Variants in LMX1B observed in about 807,000 individuals in gnomAD.
LMX1B encodes LIM homeobox transcription factor 1 beta.
Under a neutral mutation model 51.4 loss-of-function variants are expected in LMX1B, and 12 were observed. That is an observed-to-expected ratio of 0.23 (90% CI 0.15 to 0.38). LMX1B has a LOEUF of 0.38. Ranked by LOEUF, LMX1B falls within the 10% of genes least tolerant of loss-of-function variation. The pLI is 1.00. For missense variants in LMX1B, 445 were observed against 571.1 expected (o/e 0.78, Z 2.25); for synonymous variants, 237 against 235.4 (o/e 1.01, Z -0.06).
rs947351371 is a variant in LMX1B, at chr9:126,623,707, G to A, written c.326+8138G>A. Among the ~76,000 whole-genome samples the A allele has an allele frequency of 2.6e-5, 4 of 152,168 alleles. No individual in the cohort carries two copies. In the South Asian group the frequency reaches 6.2e-4, roughly 24 times the overall value. On this transcript the variant is annotated intron_variant, in intron 2 of 7. Transcript: ENST00000373474. Reference sequence around the variant, plus strand: ...CAGAACGCCCAGCCTGGGAGGGGTGGGGAGGGGGAGTCGCTACCCGAGGGC... The same window carrying A: ...CAGAACGCCCAGCCTGGGAGGGGTGAGGAGGGGGAGTCGCTACCCGAGGGC...
intron 1 of LMX1B, among the ~76,000 whole-genome samples, chr9:126,614,904 G>A (rs1469489476): frequency 6.6e-6 from 1 of 152,094 alleles, no homozygotes; most frequent in Non-Finnish European, 1.5e-5. Context: ...GGCGAGCTTG[G>A]GAGAGGCGCA....
rs1457602915 is a variant in LMX1B at position 126,673,967 on chromosome 9, G to A, written c.327-16869G>A. ...GCCTTGTCTGTCCGTCTGTTTGGGA[G>A]ATGCTGGCTGATAGATGGGGATGGG... On this transcript the variant is annotated intron_variant, in intron 2 of 7. Transcript: ENST00000373474. The surrounding 1 kb of genome is among the most constrained non-coding windows in gnomAD (Gnocchi z 4.4). Among the ~76,000 whole-genome samples, 1 of 152,204 alleles carries A rather than the reference G, an allele frequency of 6.6e-6. No individual in the cohort carries two copies. Among genetic ancestry groups the A allele is most frequent in the South Asian group, 2.1e-4 (1 of 4,832 alleles).
At chr9:126,621,637 T>G (rs1835411532) in intron 2 of LMX1B, among the ~76,000 whole-genome samples, 1 of 126,202 alleles carries the variant, frequency 7.9e-6, no homozygotes, top group Admixed American at 8.8e-5. Context: ...CTATAGGGTT[T>G]TTCTCTCTCT....
In LMX1B at chr9:126,658,374, C is replaced by A. The variant is rs925258234; in HGVS notation, c.327-32462C>A. Reference sequence around the variant, plus strand: ...GCAAGCCAGCCTCAAATTCGGCTGGCCCTCCCCCTGGCTGCCGGGCCCGGG... The same window carrying A: ...GCAAGCCAGCCTCAAATTCGGCTGGACCTCCCCCTGGCTGCCGGGCCCGGG... On this transcript the variant is annotated intron_variant, in intron 2 of 7. Transcript: ENST00000373474. The surrounding 1 kb of genome is among the most constrained non-coding windows in gnomAD (Gnocchi z 4.0). Among the ~76,000 whole-genome samples the A allele has an allele frequency of 1.3e-5, 2 of 150,796 alleles. No individual in the cohort carries two copies. Among genetic ancestry groups the A allele is most frequent in the African/African-American group, 4.9e-5 (2 of 40,784 alleles).
At chr9:126,669,242 G>A (rs1836403209) in intron 2 of LMX1B, among the ~76,000 whole-genome samples, 2 of 44,528 alleles carry the variant, frequency 4.5e-5, no homozygotes, top group Admixed American at 2.1e-4. Flanking sequence ...GCCTGGCCGC[G>A]AGGAGGGTGG....
At chr9:126,630,439 G>C (rs906155680) in intron 2 of LMX1B, among the ~76,000 whole-genome samples, 2 of 152,202 alleles carry the variant, frequency 1.3e-5, no homozygotes, top group Non-Finnish European at 1.5e-5. Flanking sequence ...TCATCACTGG[G>C]GGGGAGGGTT....
chr9:126,680,099 C>T (rs770942495), intron 2 of LMX1B, among the ~76,000 whole-genome samples: 1 of 152,242 alleles, frequency 6.6e-6, no homozygotes, highest in Non-Finnish European at 1.5e-5. Flanking sequence ...TCACCTTCCA[C>T]GTGCGTTGTC....
intron 2 of LMX1B, among the ~76,000 whole-genome samples, chr9:126,621,853 C>T (rs1487953192): frequency 2.0e-5 from 3 of 151,972 alleles, no homozygotes; most frequent in Non-Finnish European, 4.4e-5. Context: ...ACTACTGCTG[C>T]GGTGAGGAGT....
chr9:126,691,737 C>G (rs1037672128), intron 3 of LMX1B, among the ~76,000 whole-genome samples: 1 of 152,256 alleles, frequency 6.6e-6, no homozygotes, highest in Non-Finnish European at 1.5e-5. Context: ...TGTGCCTTCC[C>G]CTTCTCAGCC....
In LMX1B at chr9:126,693,331, G is replaced by A. The variant is rs2030206496; in HGVS notation, c.741+8G>A. On this transcript the variant is annotated splice_region_variant and intron_variant, in intron 4 of 7. Coordinates refer to ENST00000373474, the MANE Select transcript of LMX1B (RefSeq NM_001174147.2). ...TCGAAGCCTTGCCGAAAGGTGAGGG[G>A]CGGCCGGGGGGCGGGGCTCAGGCTG... 4.4e-6 allele frequency: 7 copies of A among 1,587,110 alleles called. No individual in the cohort carries two copies. The highest frequency in any genetic ancestry group is 6.0e-6 in the Non-Finnish European group (7 of 1,167,680).
rs398069012 is a variant in LMX1B, at chr9:126,699,039, CTT to C, written c.*2590_*2591del. On this transcript the variant is annotated 3_prime_UTR_variant, in exon 8 of 8. Coordinates refer to ENST00000373474, the MANE Select transcript of LMX1B (RefSeq NM_001174147.2). ...CACTGGCTTCTGGAGAGACACCCCT[CTT>C]TCTCCTTTTGCACATGCACCATCTG... 0.42 allele frequency: 64,001 copies of C among 151,996 alleles called. 13,710 individuals carry two copies. Among genetic ancestry groups the C allele is most frequent in the Non-Finnish European group, 0.45 (30,700 of 67,968 alleles). The allele number at this position is 151,996 out of a possible 1,614,324, so 9.4% of individuals were successfully genotyped here. A position where few individuals can be genotyped will look rare whatever the true frequency, so the allele number is the denominator to read the frequency against.
chr9:126,675,912 G>A (rs1183293783), intron 2 of LMX1B, among the ~76,000 whole-genome samples: 1 of 146,950 alleles, frequency 6.8e-6, no homozygotes, highest in African/African-American at 2.5e-5. Flanking sequence ...AGCCGGGCGT[G>A]GTAGCGGGCA....
intron 6 of LMX1B, among the ~76,000 whole-genome samples, chr9:126,694,648 G>T (rs1003816092): frequency 6.6e-6 from 1 of 152,190 alleles, no homozygotes; most frequent in East Asian, 1.9e-4. Flanking sequence ...CTTCTGGGCA[G>T]GTGCCAGGGC....
intron 2 of LMX1B, among the ~76,000 whole-genome samples, chr9:126,651,966 A>G (rs1836018251): frequency 6.6e-6 from 1 of 151,630 alleles, no homozygotes; most frequent in Non-Finnish European, 1.5e-5. Context: ...AAAGAAACCC[A>G]AATCAAACCA....
chr9:126,673,150 G>A lies in LMX1B; in HGVS notation c.327-17686G>A, dbSNP rs1166896144. 6.6e-6 allele frequency among the ~76,000 whole-genome samples: 1 copy of A among 152,198 alleles called. No individual in the cohort carries two copies. The highest frequency in any genetic ancestry group is 1.9e-4 in the East Asian group (1 of 5,182). ...CTCATTCTCCTTGCCTTCCAGGGTC[G>A]AGAGGAGATGAGAACTCCAGAAGCT... On this transcript the variant is annotated intron_variant, in intron 2 of 7. Coordinates refer to ENST00000373474, the MANE Select transcript of LMX1B (RefSeq NM_001174147.2). The surrounding 1 kb of genome is among the most constrained non-coding windows in gnomAD (Gnocchi z 4.4).
At position 126,695,591 on chromosome 9, in the gene LMX1B, C is replaced by T. The variant is rs903059092; in HGVS notation, c.887-248C>T. Among the ~76,000 whole-genome samples the T allele has an allele frequency of 6.6e-6, 1 of 152,170 alleles. No individual in the cohort carries two copies. The highest frequency in any genetic ancestry group is 2.4e-5 in the African/African-American group (1 of 41,434). On this transcript the variant is annotated intron_variant, in intron 6 of 7. Coordinates refer to ENST00000373474, the MANE Select transcript of LMX1B (RefSeq NM_001174147.2). This position sits in a 1 kb window ranked among gnomAD's most constrained non-coding sequence, Gnocchi z 5.2. ...TGTGGGGTCTGCCGCCTCCCTGGAT[C>T]CCCTGGAGGGGCGGGGTGGTGGGAG...
At chr9:126,693,651 A>G (rs1170913199) in intron 5 of LMX1B, 50 bp downstream of exon 5, 1 of 1,609,662 alleles carries the variant, frequency 6.2e-7, no homozygotes, top group Admixed American at 1.7e-5. Context: ...GTGGGACTAG[A>G]GGGGGCAGCC....
chr9:126,639,264 G>A (rs1327339572), intron 2 of LMX1B, among the ~76,000 whole-genome samples: 3 of 152,188 alleles, frequency 2.0e-5, no homozygotes, highest in Non-Finnish European at 2.9e-5. Flanking sequence ...CTGGGGTCCC[G>A]CTTTGCCGGG....
At chr9:126,676,879 A>G (rs780482404) in intron 2 of LMX1B, among the ~76,000 whole-genome samples, 8 of 152,180 alleles carry the variant, frequency 5.3e-5, no homozygotes, top group Non-Finnish European at 1.2e-4. Flanking sequence ...TTAATTGTCA[A>G]ATGACTGCGG....
Sources: gnomAD v4.1 joint callset for allele counts (sites outside exome capture counted in the v4.1 genomes callset) on GRCh38, gnomAD v4.1.1 for gene constraint, Gnocchi (gnomAD v3.1) non-coding constraint, MANE v1.5 for transcripts, NCBI Gene and HGNC (gene_info 2026-07-23, HGNC 2026-07-21) for gene names.